Variants in MACROD2 observed in about 807,000 individuals in gnomAD.
MACROD2 encodes the protein ADP-ribose glycohydrolase MACROD2.
MACROD2 carries 36 observed loss-of-function variants against 70.4 expected under a neutral mutation model. The ratio of observed to expected loss-of-function variants is 0.51; its 90% confidence interval spans 0.39 to 0.68. The LOEUF is 0.68. Ranked by LOEUF, MACROD2 falls within the 30% of genes least tolerant of loss-of-function variation. The pLI is 0.00. For synonymous variants in MACROD2, 172 were observed against 178.8 expected, an observed-to-expected ratio of 0.96 and a Z score of 0.30; for missense variants, 496 against 538.4, an observed-to-expected ratio of 0.92 and a Z score of 0.78.
intron 8 of MACROD2, among the ~76,000 whole-genome samples, chr20:15,813,571 A>T (rs970372378): frequency 6.6e-6 from 1 of 152,208 alleles, no homozygotes; most frequent in Non-Finnish European, 1.5e-5. Context: ...TGAGCTCATG[A>T]GTTCAAGACC....
At chr20:15,378,183 A>ATAC (rs11472105) in intron 6 of MACROD2, among the ~76,000 whole-genome samples, 2 of 48,260 alleles carry the variant, frequency 4.1e-5, no homozygotes, top group Non-Finnish European at 6.8e-5. Context: ...AAAGGAACCC[A>ATAC]AAGTCCTAGA....
chr20:15,559,174 T>C (rs1215353635), intron 8 of MACROD2, among the ~76,000 whole-genome samples: 2 of 128,442 alleles, frequency 1.6e-5, no homozygotes, highest in African/African-American at 6.2e-5. Context: ...TTGCAGTGAG[T>C]CGAGATCGCG....
At position 15,545,874 on chromosome 20, in the gene MACROD2, A is replaced by G. The variant is rs2048019421; in HGVS notation, c.645+46027A>G. Among the ~76,000 whole-genome samples the G allele has an allele frequency of 1.3e-5, 2 of 152,234 alleles. 1 individual carries two copies. Among genetic ancestry groups the G allele is most frequent in the South Asian group, 4.1e-4 (2 of 4,832 alleles). ...GGCAGGATGTAAGACAGGGAGCACC[A>G]TGATGTGAGGAGTGGGCAGAATTTG... On this transcript the variant is annotated intron_variant, in intron 8 of 17. Transcript: ENST00000684519.
intron 6 of MACROD2, among the ~76,000 whole-genome samples, chr20:15,414,088 G>A (rs2046114741): frequency 6.6e-6 from 1 of 152,194 alleles, no homozygotes; most frequent in South Asian, 2.1e-4. Flanking sequence ...ATTTTTTTAA[G>A]TACAAAAGAC....
intron 8 of MACROD2, among the ~76,000 whole-genome samples, chr20:15,594,106 G>A (rs1490740647): frequency 6.6e-6 from 1 of 152,072 alleles, no homozygotes; most frequent in African/African-American, 2.4e-5. Flanking sequence ...CAAGAGTGTG[G>A]GCATTGAAGA....
intron 8 of MACROD2, among the ~76,000 whole-genome samples, chr20:15,674,278 C>T: frequency 6.6e-6 from 1 of 152,038 alleles, no homozygotes; most frequent in Non-Finnish European, 1.5e-5. Flanking sequence ...TCAATTTAAA[C>T]TAGGAGGGGA....
intron 6 of MACROD2, among the ~76,000 whole-genome samples, chr20:15,424,782 G>A (rs1210893171): frequency 6.6e-6 from 1 of 152,148 alleles, no homozygotes; most frequent in Non-Finnish European, 1.5e-5. Context: ...AGATGCACAT[G>A]TTCTCATATT....
intron 5 of MACROD2, among the ~76,000 whole-genome samples, chr20:14,740,275 G>C (rs759151573): frequency 6.6e-5 from 10 of 152,126 alleles, no homozygotes; most frequent in Non-Finnish European, 1.3e-4. Context: ...GAGGCTCAGA[G>C]AGATTGAGTA....
chr20:15,578,582 A>G (rs562651151), intron 8 of MACROD2, among the ~76,000 whole-genome samples: 1 of 152,276 alleles, frequency 6.6e-6, no homozygotes, highest in African/African-American at 2.4e-5. Flanking sequence ...GATTCCATTT[A>G]TGTACAGTAT....
Position 14,681,834 on chromosome 20 carries a change from A to T in MACROD2, c.302-3009A>T, listed in dbSNP as rs59669918. 6.7e-3 allele frequency among the ~76,000 whole-genome samples: 1,027 copies of T among 152,322 alleles called. 21 individuals are homozygous for T. The highest frequency in any genetic ancestry group is 0.023 in the African/African-American group (974 of 41,582). ...TGCAGGAATTGAGAAGACAGTGATT[A>T]ATAATGGTTAAGAGCATGGTTGCAA... On this transcript the variant is annotated intron_variant, in intron 4 of 17. Transcript: ENST00000684519.
intron 5 of MACROD2, among the ~76,000 whole-genome samples, chr20:15,140,182 G>A (rs1002616060): frequency 1.3e-5 from 2 of 152,124 alleles, no homozygotes; most frequent in Non-Finnish European, 2.9e-5. Context: ...TTGCCCAGAA[G>A]AGTCCAGGGT....
chr20:14,061,007 G>A (rs1347146700), intron 2 of MACROD2, among the ~76,000 whole-genome samples: 3 of 152,044 alleles, frequency 2.0e-5, no homozygotes, highest in Admixed American at 6.6e-5. Context: ...AAAAAGGGGG[G>A]AGTGTGTATA....
At chr20:14,172,212 T>G (rs2081227366) in intron 3 of MACROD2, among the ~76,000 whole-genome samples, 1 of 152,120 alleles carries the variant, frequency 6.6e-6, no homozygotes, top group African/African-American at 2.4e-5. Flanking sequence ...CCTTTTACCT[T>G]AAGTTTATGT....
intron 5 of MACROD2, among the ~76,000 whole-genome samples, chr20:14,710,911 T>G (rs1486710141): frequency 1.3e-5 from 2 of 152,160 alleles, no homozygotes; most frequent in African/African-American, 4.8e-5. Context: ...GAAGCCCCCA[T>G]GGACTCTTCT....
At chr20:14,306,122 A>C (rs1601456508) in intron 3 of MACROD2, among the ~76,000 whole-genome samples, 1 of 152,208 alleles carries the variant, frequency 6.6e-6, no homozygotes, top group Middle Eastern at 3.4e-3. Flanking sequence ...TGAAGTCAAT[A>C]ATGATCTATT....
intron 5 of MACROD2, among the ~76,000 whole-genome samples, chr20:15,188,850 T>G (rs2076551032): frequency 6.6e-6 from 1 of 152,192 alleles, no homozygotes; most frequent in Non-Finnish European, 1.5e-5. Context: ...GCTCTTTTTT[T>G]GGAACTATAT....
intron 3 of MACROD2, among the ~76,000 whole-genome samples, chr20:14,247,076 G>A (rs547144046): frequency 6.6e-6 from 1 of 152,110 alleles, no homozygotes; most frequent in Non-Finnish European, 1.5e-5. Flanking sequence ...AACCATAAAC[G>A]AATCTGTGCA....
rs897460231 is a variant in MACROD2 at position 15,785,619 on chromosome 20, G to A, written c.646-77126G>A. Among the ~76,000 whole-genome samples the A allele has an allele frequency of 4.6e-5, 7 of 152,108 alleles. No homozygotes were observed. The South Asian group carries it at 1.4e-3, about 32-fold the overall frequency. ...TTTAAGGGGAGGAGTGTTCTCTGAG[G>A]TGAAGGGGTGTCAAGGAGTGTCAGA... On this transcript the variant is annotated intron_variant, in intron 8 of 17. Coordinates refer to ENST00000684519, the MANE Select transcript of MACROD2 (RefSeq NM_001351661.2).
chr20:14,019,277 G>A (rs1423376143), intron 2 of MACROD2, among the ~76,000 whole-genome samples: 1 of 152,116 alleles, frequency 6.6e-6, no homozygotes, highest in Non-Finnish European at 1.5e-5. Flanking sequence ...GGAGCGTAGT[G>A]TTTGTTTGTT....
Sources: allele counts gnomAD v4.1 joint callset (sites outside exome capture counted in the v4.1 genomes callset), GRCh38; gene constraint gnomAD v4.1.1; transcripts MANE v1.5; gene names NCBI Gene and HGNC (gene_info 2026-07-23, HGNC 2026-07-21).